The following LPIN2 variants were observed in gnomAD, a reference collection of about 807,000 sequenced individuals.
LPIN2 encodes the protein phosphatidate phosphatase LPIN2.
Under a neutral mutation model 111.4 loss-of-function variants are expected in LPIN2, and 55 were observed. That is an observed-to-expected ratio of 0.49 (90% CI 0.40 to 0.62). The LOEUF is 0.62. LPIN2 is among the 20% of genes least tolerant of loss of function. The pLI, the probability that LPIN2 is intolerant of heterozygous loss-of-function variation, is 0.00. For missense variants in LPIN2, 992 were observed against 1,112.1 expected (o/e 0.89, Z 1.54); for synonymous variants, 425 against 414.0 (o/e 1.03, Z -0.32).
chr18:2,981,602 C>T (rs921519660), intron 1 of LPIN2, among the ~76,000 whole-genome samples: 4 of 152,170 alleles, frequency 2.6e-5, no homozygotes, highest in Non-Finnish European at 4.4e-5. Flanking sequence ...CTGACCTTTA[C>T]AACAAATGTG....
At chr18:3,011,186 G>A (rs1280678432) in intron 1 of LPIN2, among the ~76,000 whole-genome samples, 2 of 152,152 alleles carry the variant, frequency 1.3e-5, no homozygotes, top group African/African-American at 4.8e-5. Flanking sequence ...CAATAAAGAA[G>A]ACAAAGCCCC....
intron 1 of LPIN2, among the ~76,000 whole-genome samples, chr18:2,994,591 G>A (rs1042707096): frequency 6.6e-6 from 1 of 152,180 alleles, no homozygotes; most frequent in Non-Finnish European, 1.5e-5. Context: ...CCATCCCCTC[G>A]AACATTTATC....
chr18:2,946,867 C>T (rs2143063401), intron 4 of LPIN2: 1 of 331,390 alleles, frequency 3.0e-6, no homozygotes, highest in South Asian at 2.6e-5. Flanking sequence ...ATGATCTCAG[C>T]TGGCATTTGG....
At chr18:2,932,900 C>T (rs1453151942) in intron 8 of LPIN2, among the ~76,000 whole-genome samples, 1 of 152,206 alleles carries the variant, frequency 6.6e-6, no homozygotes, top group Non-Finnish European at 1.5e-5. Flanking sequence ...GCATTCTTCA[C>T]AGGGGCAAGA....
At chr18:2,947,537 A>T (rs1031626244) in intron 4 of LPIN2, among the ~76,000 whole-genome samples, 1 of 152,200 alleles carries the variant, frequency 6.6e-6, no homozygotes, top group African/African-American at 2.4e-5. Context: ...GTGCTATAGC[A>T]ATCTGCTTTA....
At chr18:2,965,419 T>C (rs914970632) in intron 1 of LPIN2, among the ~76,000 whole-genome samples, 2 of 152,128 alleles carry the variant, frequency 1.3e-5, no homozygotes, top group South Asian at 2.1e-4. Flanking sequence ...ATAATCACTA[T>C]ATGGAGTATG....
Position 2,939,594 on chromosome 18 carries a change from G to T in LPIN2, c.708C>A (p.Pro236=). Residue 236 remains proline, a synonymous_variant, in exon 6 of 20, where the codon CCC becomes CCA. Transcript: ENST00000677752. ...AATCACTCTTAGGACACGCTGTCTG[G>T]GGATAGGTGCTGCAAAGAGAACAAA... ...GDWSPLETTY[P]QTACPKSDSE... 1 of 1,613,458 alleles carries T rather than the reference G, an allele frequency of 6.2e-7. No individual in the cohort carries two copies. Among genetic ancestry groups the T allele is most frequent in the Non-Finnish European group, 8.5e-7 (1 of 1,179,806 alleles).
At chr18:2,927,623 A>G (rs950141936) in intron 12 of LPIN2, 99 bp downstream of exon 12, 1 of 1,297,320 alleles carries the variant, frequency 7.7e-7, no homozygotes, top group Non-Finnish European at 1.1e-6. Flanking sequence ...AAATAGCCCT[A>G]TACAGTCCAA....
At chr18:2,926,436 G>C (rs980720298) in intron 13 of LPIN2, among the ~76,000 whole-genome samples, 2 of 152,240 alleles carry the variant, frequency 1.3e-5, no homozygotes, top group Non-Finnish European at 2.9e-5. Context: ...ATGGGATGCA[G>C]GGGGAGCAGA....
intron 2 of LPIN2, among the ~76,000 whole-genome samples, chr18:2,959,249 T>TA (rs1447350281): frequency 6.6e-6 from 1 of 152,220 alleles, no homozygotes; most frequent in Non-Finnish European, 1.5e-5. Flanking sequence ...ACTGATTTTG[T>TA]AATACCTAGA....
intron 2 of LPIN2, among the ~76,000 whole-genome samples, chr18:2,955,443 G>A (rs1312976764): frequency 6.6e-6 from 1 of 151,992 alleles, no homozygotes. Flanking sequence ...TGTCAACTCA[G>A]CAAAAACTCA....
At chr18:3,002,416 C>T (rs1229150340) in intron 1 of LPIN2, among the ~76,000 whole-genome samples, 1 of 152,044 alleles carries the variant, frequency 6.6e-6, no homozygotes, top group African/African-American at 2.4e-5. Context: ...ATGAACTAAT[C>T]AGCAGATTTT....
Position 2,951,174 on chromosome 18 carries a change from T to C in LPIN2, c.471A>G (p.Arg157=). ...TGTCCTGTTTGTATTTCTTTCTCCT[T>C]CGTTTTTTCTTTTTCACAGAACTTG... ...FTPSSVKKKK[R]RRKKYKQDSK... is the part of the protein sequence containing the mutation. The change falls in exon 4 of 20, where the codon CGA becomes CGG. Residue 157 remains arginine, a synonymous_variant. Coordinates refer to ENST00000677752, the MANE Select transcript of LPIN2 (RefSeq NM_001375808.2). The C allele has an allele frequency of 6.2e-7, 1 of 1,614,208 alleles. No individual in the cohort carries two copies. The highest frequency in any genetic ancestry group is 8.5e-7 in the Non-Finnish European group (1 of 1,180,050).
intron 11 of LPIN2, among the ~76,000 whole-genome samples, chr18:2,928,253 TG>T (rs943587468): frequency 2.6e-5 from 4 of 152,340 alleles, no homozygotes; most frequent in Admixed American, 2.6e-4. Flanking sequence ...ACCTTCTTCT[TG>T]CTGCTTCTTC....
At chr18:2,943,920 C>T (rs944676825) in intron 4 of LPIN2, among the ~76,000 whole-genome samples, 11 of 152,062 alleles carry the variant, frequency 7.2e-5, no homozygotes, top group African/African-American at 1.2e-4. Context: ...GCTTTATTAA[C>T]GAAAATAGTA....
intron 1 of LPIN2, among the ~76,000 whole-genome samples, chr18:2,971,761 A>AC (rs1178603137): frequency 2.0e-5 from 3 of 151,372 alleles, no homozygotes; most frequent in Non-Finnish European, 4.4e-5. Context: ...AAAAAAAAAA[A>AC]AACAGGCTGG....
chr18:2,952,941 C>G (rs954699505), intron 3 of LPIN2, among the ~76,000 whole-genome samples: 1 of 152,138 alleles, frequency 6.6e-6, no homozygotes, highest in Non-Finnish European at 1.5e-5. Context: ...TGAGAAAAAT[C>G]TGAGAGAAAA....
Position 2,939,534 on chromosome 18 carries a change from G to A in LPIN2, c.768C>T (p.Leu256=), listed in dbSNP as rs745497106. 5 of 1,614,090 alleles carry A rather than the reference G, an allele frequency of 3.1e-6. No homozygotes were observed. Among genetic ancestry groups the A allele is most frequent in the Admixed American group, 1.7e-5 (1 of 60,024 alleles). ...TCCACTCCATGTGAGACTCTGATCT[G>A]AGCAGGCTCTCCGCAGGTTTCACCT... ...ELEVKPAESL[L]RSESHMEWTW... is the part of the protein sequence containing the mutation. The change falls in exon 6 of 20, where the codon CTC becomes CTT. Residue 256 remains leucine, a synonymous_variant. Transcript: ENST00000677752.
intron 1 of LPIN2, among the ~76,000 whole-genome samples, chr18:2,963,166 G>C (rs1302153506): frequency 6.6e-6 from 1 of 152,230 alleles, no homozygotes; most frequent in East Asian, 1.9e-4. Flanking sequence ...GAGGCCTGTA[G>C]CTTAACATGC....
Sources: allele counts gnomAD v4.1 joint callset (sites outside exome capture counted in the v4.1 genomes callset), GRCh38; gene constraint gnomAD v4.1.1; transcripts MANE v1.5; gene names NCBI Gene and HGNC (gene_info 2026-07-23, HGNC 2026-07-21).